Variants in ANXA4 observed in about 807,000 individuals in gnomAD.
ANXA4 encodes the protein annexin A4.
Under a neutral mutation model 49.8 loss-of-function variants are expected in ANXA4, and 39 were observed. The observed-to-expected ratio is 0.78, with a 90% CI of 0.61 to 1.02. The LOEUF is 1.02. Ranked by LOEUF, ANXA4 falls within the 50% of genes least tolerant of loss-of-function variation. The pLI, the probability that ANXA4 is intolerant of heterozygous loss-of-function variation, is 0.00. For synonymous variants in ANXA4, 134 were observed against 152.5 expected, an observed-to-expected ratio of 0.88 and a Z score of 0.89; for missense variants, 360 against 410.1, an observed-to-expected ratio of 0.88 and a Z score of 1.05.
intron 1 of ANXA4, among the ~76,000 whole-genome samples, chr2:69,748,562 A>C (rs889903962): frequency 1.3e-5 from 2 of 150,866 alleles, no homozygotes; most frequent in Non-Finnish European, 2.9e-5. Flanking sequence ...TGCATTATTA[A>C]TTTTACATAT....
At chr2:69,650,084 C>T (rs1013502408) in intron 1 of ANXA4, among the ~76,000 whole-genome samples, 1 of 151,028 alleles carries the variant, frequency 6.6e-6, no homozygotes, top group Admixed American at 6.6e-5. Context: ...TACAAGCACC[C>T]GCCATCATGC....
intron 2 of ANXA4, among the ~76,000 whole-genome samples, chr2:69,681,840 T>C (rs1677609808): frequency 6.7e-6 from 1 of 149,310 alleles, no homozygotes; most frequent in Non-Finnish European, 1.5e-5. Context: ...TTGTTCTTGC[T>C]TTTTTTTTTC....
At chr2:69,645,778 G>C (rs1294480044) in intron 1 of ANXA4, among the ~76,000 whole-genome samples, 7 of 152,144 alleles carry the variant, frequency 4.6e-5, no homozygotes, top group African/African-American at 1.4e-4. Context: ...TTCCCTCACA[G>C]ACTAATAGCA....
intron 3 of ANXA4, among the ~76,000 whole-genome samples, chr2:69,789,971 G>T (rs921712): frequency 0.25 from 38,677 of 151,868 alleles, 4,969 homozygotes; most frequent in East Asian, 0.33. Flanking sequence ...GTTTTACTGG[G>T]GCCCACTGTG....
intron 1 of ANXA4, among the ~76,000 whole-genome samples, chr2:69,749,008 T>C (rs1201046224): frequency 1.3e-5 from 2 of 152,168 alleles, no homozygotes; most frequent in African/African-American, 4.8e-5. Context: ...CCACTGTGCC[T>C]GGCCTACACC....
intron 3 of ANXA4, among the ~76,000 whole-genome samples, chr2:69,729,263 C>T (rs1176898224): frequency 6.7e-6 from 1 of 150,094 alleles, no homozygotes; most frequent in Non-Finnish European, 1.5e-5. Flanking sequence ...ATCCACCTGC[C>T]TCAGCCTCCC....
At chr2:69,735,852 C>T (rs1204012568) in intron 3 of ANXA4, among the ~76,000 whole-genome samples, 1 of 152,156 alleles carries the variant, frequency 6.6e-6, no homozygotes, top group African/African-American at 2.4e-5. Context: ...CAACTGGCTA[C>T]CATGAGACAG....
In ANXA4 at chr2:69,681,530, A is replaced by G. The variant is rs558936800; in HGVS notation, n.766+28248A>G. On this transcript the variant is annotated intron_variant and non_coding_transcript_variant, in intron 2 of 3. Coordinates refer to the ANXA4 transcript ENST00000418066. Reference sequence around the variant, plus strand: ...CAGGCACGTGCCACCATATCCAGCTAATTTTGGTATTTTTAGTAGAAATGG... The same window carrying G: ...CAGGCACGTGCCACCATATCCAGCTGATTTTGGTATTTTTAGTAGAAATGG... 5.4e-4 allele frequency among the ~76,000 whole-genome samples: 82 copies of G among 151,898 alleles called. 1 individual carries two copies. Among genetic ancestry groups the G allele is most frequent in the Admixed American group, 1.3e-3 (20 of 15,234 alleles).
intron 2 of ANXA4, among the ~76,000 whole-genome samples, chr2:69,669,589 C>T (rs1256485712): frequency 1.3e-5 from 2 of 150,804 alleles, no homozygotes; most frequent in African/African-American, 2.4e-5. Context: ...CTAGCCTGGG[C>T]GACAGAGTGA....
At chr2:69,727,545 A>C (rs1216417241) in intron 3 of ANXA4, among the ~76,000 whole-genome samples, 2 of 152,148 alleles carry the variant, frequency 1.3e-5, no homozygotes, top group East Asian at 3.8e-4. Flanking sequence ...CTATTTTGAT[A>C]TTCTGTTTTA....
chr2:69,763,308 A>C (rs1304306755), intron 1 of ANXA4, among the ~76,000 whole-genome samples: 1 of 152,216 alleles, frequency 6.6e-6, no homozygotes, highest in African/African-American at 2.4e-5. Context: ...TGAAGAGAGC[A>C]GTGCTTACTC....
chr2:69,667,581 G>A (rs1162087953), intron 2 of ANXA4, among the ~76,000 whole-genome samples: 1 of 152,206 alleles, frequency 6.6e-6, no homozygotes, highest in Non-Finnish European at 1.5e-5. Flanking sequence ...ATCCTGTGAT[G>A]TGATGTATGG....
chr2:69,713,187 A>C (rs1678732468), intron 2 of ANXA4, among the ~76,000 whole-genome samples: 2 of 152,040 alleles, frequency 1.3e-5, no homozygotes. Flanking sequence ...TGAAGTAAAA[A>C]AAAAAAGAAA....
At chr2:69,763,248 G>A (rs190781408) in intron 1 of ANXA4, among the ~76,000 whole-genome samples, 8 of 152,276 alleles carry the variant, frequency 5.3e-5, no homozygotes, top group Admixed American at 4.6e-4. Flanking sequence ...CCACAGAGCT[G>A]GAACTTGATG....
chr2:69,707,924 A>G (rs1678549808), intron 2 of ANXA4, among the ~76,000 whole-genome samples: 1 of 151,880 alleles, frequency 6.6e-6, no homozygotes, highest in African/African-American at 2.4e-5. Flanking sequence ...ACTCTCTATC[A>G]CTGTATTTAA....
At chr2:69,780,764 T>A (rs1365009382) in intron 1 of ANXA4, among the ~76,000 whole-genome samples, 1 of 151,932 alleles carries the variant, frequency 6.6e-6, no homozygotes, top group East Asian at 1.9e-4. Flanking sequence ...AAAGAGAAGG[T>A]GCCTTGTTTA....
chr2:69,655,853 A>G (rs1312424947), intron 2 of ANXA4, among the ~76,000 whole-genome samples: 1 of 152,206 alleles, frequency 6.6e-6, no homozygotes, highest in Non-Finnish European at 1.5e-5. Flanking sequence ...CAGTCATAAA[A>G]AAGATGAGTT....
chr2:69,664,301 T>C (rs1676853862), intron 2 of ANXA4, among the ~76,000 whole-genome samples: 1 of 152,240 alleles, frequency 6.6e-6, no homozygotes, highest in Non-Finnish European at 1.5e-5. Context: ...GGTGAAAGCT[T>C]TTCCACCAAA....
chr2:69,691,571 ATG>A lies in ANXA4; in HGVS notation n.767-29202_767-29201del, dbSNP rs1331744029. Among the ~76,000 whole-genome samples, 63 of 43,722 alleles carry A rather than the reference ATG, an allele frequency of 1.4e-3. No individual in the cohort carries two copies. In the South Asian group the frequency reaches 0.016, roughly 11 times the overall value. 28.7% of individuals were successfully genotyped at this position (43,722 alleles called of 152,430 possible). On this transcript the variant is annotated intron_variant and non_coding_transcript_variant, in intron 2 of 3. Transcript: ENST00000418066. The stretch of plus-strand genomic sequence containing the variant: ...TCAGTGATTTCACACACACACACAC[ATG>A]CACACACACACACACACACACACAC...
Sources: allele counts gnomAD v4.1 joint callset (sites outside exome capture counted in the v4.1 genomes callset), GRCh38; gene constraint gnomAD v4.1.1; transcripts MANE v1.5; gene names NCBI Gene and HGNC (gene_info 2026-07-23, HGNC 2026-07-21).